Variants in EPHB1 observed in about 807,000 individuals in gnomAD.
EPHB1 encodes the protein EPH receptor B1, also known as ephrin type-B receptor 1.
A neutral mutation model predicts 94.4 loss-of-function variants in EPHB1; 30 were observed. The ratio of observed to expected loss-of-function variants is 0.32; its 90% confidence interval spans 0.24 to 0.43. The LOEUF is 0.43. EPHB1 is among the 20% of genes least tolerant of loss of function. The pLI, the probability that EPHB1 is intolerant of heterozygous loss-of-function variation, is 1.00. For missense variants in EPHB1, 1,055 were observed against 1,308.3 expected, an observed-to-expected ratio of 0.81 and a Z score of 2.99; for synonymous variants, 522 against 489.1, an observed-to-expected ratio of 1.07 and a Z score of -0.89.
chr3:135,042,010 C>G (rs893072418), intron 3 of EPHB1, among the ~76,000 whole-genome samples: 6 of 152,220 alleles, frequency 3.9e-5, no homozygotes, highest in Admixed American at 2.6e-4. Flanking sequence ...CCATGGCTCA[C>G]TGCAGCCCCG....
intron 3 of EPHB1, among the ~76,000 whole-genome samples, chr3:134,983,475 G>A (rs945239634): frequency 1.3e-5 from 2 of 152,204 alleles, no homozygotes; most frequent in African/African-American, 4.8e-5. Context: ...TTGCCATCTG[G>A]GTTCAGACTC....
chr3:135,039,662 A>G (rs1936768917), intron 3 of EPHB1, among the ~76,000 whole-genome samples: 1 of 152,196 alleles, frequency 6.6e-6, no homozygotes, highest in Admixed American at 6.5e-5. Flanking sequence ...CTCCGCAGCC[A>G]CTGGCCCGGC....
intron 3 of EPHB1, among the ~76,000 whole-genome samples, chr3:135,078,442 A>G (rs1022869655): frequency 6.6e-5 from 10 of 152,200 alleles, no homozygotes; most frequent in African/African-American, 2.4e-4. Context: ...CAGATCCTAC[A>G]TTAGTAATGT....
chr3:134,977,572 G>T (rs1934237592), intron 3 of EPHB1, among the ~76,000 whole-genome samples: 1 of 152,076 alleles, frequency 6.6e-6, no homozygotes, highest in African/African-American at 2.4e-5. Context: ...ACCACATTCA[G>T]TCTTCTCCAG....
intron 1 of EPHB1, among the ~76,000 whole-genome samples, chr3:134,854,872 T>C (rs1226527571): frequency 6.6e-6 from 1 of 152,034 alleles, no homozygotes; most frequent in Non-Finnish European, 1.5e-5. Context: ...AAAACAAATA[T>C]AGATTCTCTA....
intron 1 of EPHB1, among the ~76,000 whole-genome samples, chr3:134,905,268 G>A (rs1239499241): frequency 6.6e-6 from 1 of 152,170 alleles, no homozygotes; most frequent in Non-Finnish European, 1.5e-5. Flanking sequence ...CTGGCTGAGG[G>A]GGCCCCAGGA....
rs996632508 is a variant in EPHB1 at position 135,132,711 on chromosome 3, C to A, written c.962-3C>A. The A allele has an allele frequency of 1.3e-6, 2 of 1,572,802 alleles. No individual in the cohort carries two copies. The highest frequency in any genetic ancestry group is 1.7e-6 in the Non-Finnish European group (2 of 1,154,624). On this transcript the variant is annotated splice_polypyrimidine_tract_variant and splice_region_variant and intron_variant, in intron 4 of 15. Coordinates refer to ENST00000398015, the MANE Select transcript of EPHB1 (RefSeq NM_004441.5). ...TCACTGGACCTTCTTTGTCTCCCTGCAGGCGTCCCATCAGGTCCCCGCAAT... is the reference window on the plus strand; with the variant it reads ...TCACTGGACCTTCTTTGTCTCCCTGAAGGCGTCCCATCAGGTCCCCGCAAT...
At chr3:135,082,401 A>G (rs1469291491) in intron 3 of EPHB1, among the ~76,000 whole-genome samples, 1 of 152,230 alleles carries the variant, frequency 6.6e-6, no homozygotes, top group Non-Finnish European at 1.5e-5. Context: ...TCTTCTGAGT[A>G]CTTGCCATGC....
chr3:134,817,977 C>T (rs2036302070), intron 1 of EPHB1, among the ~76,000 whole-genome samples: 1 of 152,154 alleles, frequency 6.6e-6, no homozygotes, highest in South Asian at 2.1e-4. Context: ...ATGTTCCTAC[C>T]CACTCTTCAA....
rs190878433 is a variant in EPHB1, at chr3:134,852,985, G to A, written c.58+57296G>A. Among the ~76,000 whole-genome samples the A allele has an allele frequency of 4.3e-4, 66 of 152,256 alleles. No homozygotes were observed. In the East Asian group the frequency reaches 0.011, roughly 26 times the overall value. ...CCTTCCATACTGTCAGAGGGCAGGT[G>A]GGGTCACTGCCAGCTCTGACTTTCT... On this transcript the variant is annotated intron_variant, in intron 1 of 15. Transcript: ENST00000398015.
intron 1 of EPHB1, among the ~76,000 whole-genome samples, chr3:134,867,127 T>C (rs1280459659): frequency 1.3e-5 from 2 of 152,306 alleles, no homozygotes; most frequent in South Asian, 4.1e-4. Context: ...GAGAAGCTTC[T>C]TTTTATACTC....
intron 12 of EPHB1, among the ~76,000 whole-genome samples, chr3:135,202,877 C>T (rs1482742067): frequency 6.6e-6 from 1 of 152,130 alleles, no homozygotes. Flanking sequence ...TGGGTATATA[C>T]CCAAAGGATT....
intron 2 of EPHB1, among the ~76,000 whole-genome samples, chr3:134,949,821 G>A (rs1424905313): frequency 6.6e-6 from 1 of 152,096 alleles, no homozygotes; most frequent in East Asian, 1.9e-4. Context: ...AGAGCTCCCA[G>A]CTGTGGGCAG....
At chr3:135,170,058 A>C (rs1941763111) in intron 9 of EPHB1, among the ~76,000 whole-genome samples, 2 of 152,200 alleles carry the variant, frequency 1.3e-5, no homozygotes, top group Non-Finnish European at 2.9e-5. Flanking sequence ...TGCAGACAGC[A>C]ATTGGAGCTC....
intron 7 of EPHB1, among the ~76,000 whole-genome samples, chr3:135,163,876 C>T (rs1441876645): frequency 1.3e-5 from 2 of 152,164 alleles, no homozygotes; most frequent in Non-Finnish European, 2.9e-5. Context: ...GGCAGCAGGC[C>T]TGTCTGCAGA....
intron 11 of EPHB1, among the ~76,000 whole-genome samples, chr3:135,200,263 T>C (rs947598718): frequency 6.6e-6 from 1 of 152,198 alleles, no homozygotes; most frequent in African/African-American, 2.4e-5. Context: ...AGGAAGACAC[T>C]GTTTTATTCA....
At chr3:134,986,711 A>ACACACAC (rs138369571) in intron 3 of EPHB1, among the ~76,000 whole-genome samples, 59 of 145,628 alleles carry the variant, frequency 4.1e-4, no homozygotes, top group Middle Eastern at 3.2e-3. Flanking sequence ...TAAAGATATT[A>ACACACAC]ACACACACAC....
chr3:135,244,466 A>G (rs1478405040), intron 13 of EPHB1, among the ~76,000 whole-genome samples: 1 of 152,158 alleles, frequency 6.6e-6, no homozygotes, highest in African/African-American at 2.4e-5. Flanking sequence ...TTGTGGACCA[A>G]TGAAAGGAGC....
At chr3:134,989,485 G>A (rs1934715371) in intron 3 of EPHB1, among the ~76,000 whole-genome samples, 1 of 129,732 alleles carries the variant, frequency 7.7e-6, no homozygotes, top group Admixed American at 7.7e-5. Flanking sequence ...GCCTGCACAC[G>A]CACGCGCGCG....
Sources: gnomAD v4.1 joint callset for allele counts (sites outside exome capture counted in the v4.1 genomes callset) on GRCh38, gnomAD v4.1.1 for gene constraint, MANE v1.5 for transcripts, NCBI Gene and HGNC (gene_info 2026-07-23, HGNC 2026-07-21) for gene names.